The following INPP5F variants were observed in gnomAD, a reference collection of about 807,000 sequenced individuals.
INPP5F encodes phosphatidylinositide 4-phosphatase SAC2.
Under a neutral mutation model 137.2 loss-of-function variants are expected in INPP5F, and 97 were observed. The ratio of observed to expected loss-of-function variants is 0.71; its 90% CI spans 0.60 to 0.84. The LOEUF (loss-of-function observed/expected upper bound fraction) is 0.84. INPP5F is among the 40% of genes least tolerant of loss of function. The pLI, the probability that INPP5F is intolerant of heterozygous loss-of-function variation, is 0.00. For missense variants in INPP5F, 1,271 were observed against 1,371.9 expected (o/e 0.93, Z 1.16); for synonymous variants, 504 against 476.9 (o/e 1.06, Z -0.74).
rs541505042 is a variant in INPP5F at position 119,759,210 on chromosome 10, AG to A, written c.178+8057del. On this transcript the variant is annotated intron_variant, in intron 2 of 19. Coordinates refer to ENST00000650623, the MANE Select transcript of INPP5F (RefSeq NM_014937.4). ...AATTTTTGTATTTTTTAATAGAGAC[AG>A]GGTTTTGCCGTGTTGCTCAGGCTGG... 1.6e-3 allele frequency among the ~76,000 whole-genome samples: 239 copies of A among 152,270 alleles called. 1 individual carries two copies. The highest frequency in any genetic ancestry group is 3.0e-3 in the Non-Finnish European group (207 of 68,006).
chr10:119,736,769 A>G (rs560988484), intron 1 of INPP5F, among the ~76,000 whole-genome samples: 1 of 152,192 alleles, frequency 6.6e-6, no homozygotes, highest in Non-Finnish European at 1.5e-5. Flanking sequence ...CTTCATGATG[A>G]TCAAAACTTT....
chr10:119,739,708 C>T (rs967265304), intron 1 of INPP5F, among the ~76,000 whole-genome samples: 3 of 152,106 alleles, frequency 2.0e-5, no homozygotes, highest in Non-Finnish European at 4.4e-5. Flanking sequence ...TGGGTCACTG[C>T]ATCCTTGACC....
intron 2 of INPP5F, among the ~76,000 whole-genome samples, chr10:119,752,719 C>T (rs1022992842): frequency 2.0e-5 from 3 of 151,100 alleles, no homozygotes; most frequent in South Asian, 4.2e-4. Context: ...CCTTGGTTTT[C>T]GTTTTTGCTT....
Position 119,748,574 on chromosome 10 carries a change from C to A in INPP5F, c.98-2502C>A. On this transcript the variant is annotated intron_variant, in intron 1 of 19. Transcript: ENST00000650623. The surrounding 1 kb of genome is among the most constrained non-coding windows in gnomAD (Gnocchi z 4.7). ...AGCCCCAGAAGAGCTCTCAGGAGAC[C>A]TGAAGTGGGTAGCTCCTTTTTGCAG... 6.6e-6 allele frequency among the ~76,000 whole-genome samples: 1 copy of A among 152,262 alleles called. No individual in the cohort carries two copies. The highest frequency in any genetic ancestry group is 1.5e-5 in the Non-Finnish European group (1 of 68,016).
At chr10:119,792,133 C>T (rs1219119219) in intron 5 of INPP5F, 24 bp from the exon 6 acceptor site, 1 of 1,614,090 alleles carries the variant, frequency 6.2e-7, no homozygotes, top group East Asian at 2.2e-5. Context: ...TGTTTCTGAA[C>T]TATTGTTCCT....
chr10:119,789,212 C>T (rs1485742749), intron 3 of INPP5F, among the ~76,000 whole-genome samples: 3 of 146,174 alleles, frequency 2.1e-5, no homozygotes, highest in East Asian at 4.0e-4. Context: ...GCAACAAGAG[C>T]GAAACTCTGT....
At chr10:119,741,165 A>G (rs1022582434) in intron 1 of INPP5F, among the ~76,000 whole-genome samples, 10 of 152,138 alleles carry the variant, frequency 6.6e-5, no homozygotes, top group African/African-American at 2.4e-4. Context: ...AAGTAGCTGA[A>G]TTCTGTCCAG....
intron 1 of INPP5F, among the ~76,000 whole-genome samples, chr10:119,729,388 C>T (rs1410824474): frequency 7.2e-5 from 11 of 152,144 alleles, no homozygotes; most frequent in Non-Finnish European, 1.6e-4. Flanking sequence ...CTCAGGTGAT[C>T]TGCCCACCTC....
At chr10:119,768,833 A>G (rs1184630185) in intron 2 of INPP5F, among the ~76,000 whole-genome samples, 1 of 152,252 alleles carries the variant, frequency 6.6e-6, no homozygotes, top group Admixed American at 6.5e-5. Context: ...ATAGAGATAA[A>G]CTGGAAAGTG....
chr10:119,764,074 T>C (rs754756146), intron 2 of INPP5F, among the ~76,000 whole-genome samples: 4 of 152,186 alleles, frequency 2.6e-5, no homozygotes, highest in Non-Finnish European at 5.9e-5. Flanking sequence ...CTGAGAAGAT[T>C]GAGGCTTTTT....
chr10:119,773,318 A>G (rs189433987), intron 2 of INPP5F, among the ~76,000 whole-genome samples: 135 of 152,252 alleles, frequency 8.9e-4, no homozygotes, highest in Admixed American at 7.1e-3. Flanking sequence ...TGGCCTCCCA[A>G]AGTGCTGGGA....
intron 2 of INPP5F, among the ~76,000 whole-genome samples, chr10:119,760,349 A>AG: frequency 6.6e-6 from 1 of 152,180 alleles, no homozygotes; most frequent in Non-Finnish European, 1.5e-5. Context: ...TGAAGGAAGA[A>AG]GGACTGCTTG....
intron 15 of INPP5F, among the ~76,000 whole-genome samples, chr10:119,812,694 G>A (rs1433902247): frequency 6.6e-6 from 1 of 152,104 alleles, no homozygotes; most frequent in Non-Finnish European, 1.5e-5. Flanking sequence ...TGGATTCATA[G>A]GGAAACATCC....
rs189010701 is a variant in INPP5F, at chr10:119,791,021, G to A, written c.316-496G>A. ...TAGTGCATGTGAGCGTAGGAGGAGA[G>A]GGAGTGGTTGAAATGTCCAGCTTTT... On this transcript the variant is annotated intron_variant, in intron 3 of 19. Coordinates refer to ENST00000650623, the MANE Select transcript of INPP5F (RefSeq NM_014937.4). Among the ~76,000 whole-genome samples the A allele has an allele frequency of 4.7e-4, 71 of 152,300 alleles. 1 individual carries two copies. The highest frequency in any genetic ancestry group is 6.8e-3 in the Middle Eastern group (2 of 294).
intron 1 of INPP5F, among the ~76,000 whole-genome samples, chr10:119,732,500 C>CTTTTTTTTTTTTTTTTTTTTTTTTTTT (rs59388357): frequency 7.8e-5 from 9 of 115,558 alleles, no homozygotes; most frequent in African/African-American, 1.4e-4. Context: ...TTTCTTTTTT[C>CTTTTTTTTTTTTTTTTTTTTTTTTTTT]TTTTTTTTTT....
intron 2 of INPP5F, among the ~76,000 whole-genome samples, chr10:119,751,730 C>T (rs1462357991): frequency 1.3e-5 from 2 of 152,124 alleles, no homozygotes; most frequent in African/African-American, 4.8e-5. Context: ...ACAGGTGGGT[C>T]CCAAAAGGCT....
chr10:119,816,285 C>G (rs1851273463), intron 15 of INPP5F: 1 of 152,106 alleles, frequency 6.6e-6, no homozygotes, highest in Admixed American at 6.5e-5. Flanking sequence ...GATGCTTTTT[C>G]AAATAGAGAA....
chr10:119,761,781 T>G (rs1214465114), intron 2 of INPP5F, among the ~76,000 whole-genome samples: 1 of 152,200 alleles, frequency 6.6e-6, no homozygotes, highest in Non-Finnish European at 1.5e-5. Flanking sequence ...ATGAAGTAGG[T>G]TTTATGCACA....
At chr10:119,751,596 T>C (rs1398104048) in intron 2 of INPP5F, among the ~76,000 whole-genome samples, 1 of 152,144 alleles carries the variant, frequency 6.6e-6, no homozygotes, top group Non-Finnish European at 1.5e-5. Flanking sequence ...CAGGGATCCC[T>C]ATCCAGGACA....
Sources: gnomAD v4.1 joint callset for allele counts (sites outside exome capture counted in the v4.1 genomes callset) on GRCh38, gnomAD v4.1.1 for gene constraint, Gnocchi (gnomAD v3.1) non-coding constraint, MANE v1.5 for transcripts, NCBI Gene and HGNC (gene_info 2026-07-23, HGNC 2026-07-21) for gene names.